PIWIL3: variants seen among roughly 807,000 people sequenced by gnomAD.
PIWIL3 encodes piwi-like protein 3.
A neutral mutation model predicts 109.7 loss-of-function variants in PIWIL3; 101 were observed. The ratio of observed to expected loss-of-function variants is 0.92; its 90% confidence interval spans 0.78 to 1.09. The LOEUF is 1.09. PIWIL3 is among the 50% of genes least tolerant of loss of function. PIWIL3 has a pLI of 0.00. For synonymous variants in PIWIL3, 373 were observed against 376.4 expected (o/e 0.99, Z 0.10); for missense variants, 1,031 against 1,072.6 (o/e 0.96, Z 0.54).
chr22:24,731,374 C>T (rs369117339), intron 14 of PIWIL3, among the ~76,000 whole-genome samples: 40 of 152,290 alleles, frequency 2.6e-4, no homozygotes, highest in African/African-American at 8.7e-4. Flanking sequence ...CACTTATGGC[C>T]GGGCATGGTG....
At position 24,738,604 on chromosome 22, in the gene PIWIL3, G is replaced by A. The variant is rs115925601; in HGVS notation, c.1450-2712C>T. On this transcript the variant is annotated intron_variant, in intron 12 of 20. Coordinates refer to ENST00000616349, the MANE Select transcript of PIWIL3 (RefSeq NM_001255975.1). ...CTGCCTGGTAATCCAGAAGTCTTCT[G>A]GATCATATCAAGATCATCAAGGTGA... Among the ~76,000 whole-genome samples the A allele has an allele frequency of 4.3e-3, 648 of 152,304 alleles. 4 individuals carry two copies. Among genetic ancestry groups the A allele is most frequent in the African/African-American group, 0.015 (619 of 41,562 alleles).
At chr22:24,768,030 C>G (rs758131842) in intron 1 of PIWIL3, among the ~76,000 whole-genome samples, 2 of 152,102 alleles carry the variant, frequency 1.3e-5, no homozygotes, top group Non-Finnish European at 2.9e-5. Flanking sequence ...AAAAAGAGTG[C>G]TCACATTCAC....
At position 24,748,999 on chromosome 22, in the gene PIWIL3, G is replaced by A; in HGVS notation, c.1357C>T (p.Leu453Phe). 2 of 1,612,202 alleles carry A rather than the reference G, an allele frequency of 1.2e-6. No individual in the cohort carries two copies. Among genetic ancestry groups the A allele is most frequent in the Non-Finnish European group, 1.7e-6 (2 of 1,178,864 alleles). Residue 453 changes from leucine to phenylalanine, a missense_variant, in exon 12 of 21, where the codon CTT becomes TTT. Transcript: ENST00000616349. ...TCAAATTTCAAATCCCAGAGTTGAA[G>A]TAACTCTCGTACTTTTTTATTACTG... ...LQDNKKVREL[L>F]QLWDLKFDTN...
Position 24,759,886 on chromosome 22 carries a change from CCTCCTG to C in PIWIL3, c.200_205del (p.Ala67_Gly68del). Reference sequence around the variant, plus strand: ...CCTTTCACCTTGAGACTGTGCTCCTCCTCCTGCTCCTCCTCTTGCTGCTCTTGGCTG... The same window carrying C: ...CCTTTCACCTTGAGACTGTGCTCCTCCTCCTCCTCTTGCTGCTCTTGGCTG... On this transcript the variant is annotated inframe_deletion, in exon 3 of 21. Transcript: ENST00000616349. 1 of 1,613,966 alleles carries C rather than the reference CCTCCTG, an allele frequency of 6.2e-7. No individual in the cohort carries two copies. The highest frequency in any genetic ancestry group is 8.5e-7 in the Non-Finnish European group (1 of 1,179,886).
intron 12 of PIWIL3, among the ~76,000 whole-genome samples, chr22:24,740,178 A>G (rs1923908412): frequency 6.9e-6 from 1 of 144,170 alleles, no homozygotes; most frequent in Non-Finnish European, 1.5e-5. Flanking sequence ...AGATCGTGCC[A>G]CCACTGCACT....
intron 1 of PIWIL3, among the ~76,000 whole-genome samples, chr22:24,770,234 C>T (rs1033714643): frequency 6.6e-6 from 1 of 152,206 alleles, no homozygotes; most frequent in Non-Finnish European, 1.5e-5. Context: ...AGACTCAAAC[C>T]CGTCAGTTTT....
chr22:24,763,108 C>G (rs775869388), intron 1 of PIWIL3, among the ~76,000 whole-genome samples: 1 of 151,886 alleles, frequency 6.6e-6, no homozygotes, highest in African/African-American at 2.4e-5. Flanking sequence ...AGAGAAGCAT[C>G]CTATAATAAA....
intron 12 of PIWIL3, among the ~76,000 whole-genome samples, chr22:24,741,298 A>G (rs1450689698): frequency 1.3e-5 from 2 of 152,200 alleles, no homozygotes; most frequent in East Asian, 3.9e-4. Flanking sequence ...GCCAATCACG[A>G]AGTCAGGAGA....
At chr22:24,748,282 G>GT (rs148909030) in intron 12 of PIWIL3, among the ~76,000 whole-genome samples, 4,419 of 152,292 alleles carry the variant, frequency 0.029, 71 homozygotes, top group Middle Eastern at 0.065. Context: ...TCTGGGAAGG[G>GT]TAGTGGGAGG....
intron 16 of PIWIL3, among the ~76,000 whole-genome samples, chr22:24,726,475 C>T (rs1243304848): frequency 2.6e-5 from 4 of 151,996 alleles, no homozygotes; most frequent in African/African-American, 9.7e-5. Flanking sequence ...TTAGTAGAGA[C>T]GGGGTTTCAC....
rs1397810641 is a variant in PIWIL3 at position 24,762,423 on chromosome 22, C to T, written c.77G>A (p.Gly26Glu). The part of the protein sequence containing the change: ...RESYQQEAPG[G>E]PRAPGSATTQ... ...TGTAGCTGATCCAGGTGCTCTGGGTCCCCCAGGTGCCTCTTGTTGGTAGCT... is the reference window on the plus strand; with the variant it reads ...TGTAGCTGATCCAGGTGCTCTGGGTTCCCCAGGTGCCTCTTGTTGGTAGCT... Residue 26 changes from glycine to glutamate, a missense_variant, in exon 2 of 21, where the codon GGA (glycine) becomes GAA (glutamate). Coordinates refer to ENST00000616349, the MANE Select transcript of PIWIL3 (RefSeq NM_001255975.1). The T allele has an allele frequency of 1.2e-6, 2 of 1,613,666 alleles. No individual in the cohort carries two copies. The highest frequency in any genetic ancestry group is 1.3e-5 in the African/African-American group (1 of 74,920).
rs1922521655 is a variant in PIWIL3, at chr22:24,719,302, T to C, written c.*170A>G. 2.4e-6 allele frequency: 1 copy of C among 413,660 alleles called. No homozygotes were observed. Among genetic ancestry groups the C allele is most frequent in the South Asian group, 6.0e-5 (1 of 16,540 alleles). 25.6% of individuals were successfully genotyped at this position (413,660 alleles called of 1,614,324 possible). Reference sequence around the variant, plus strand: ...TCTCCTCTCTGGAAAAATCAGTCTGTGGTAGTATTGAGAGTAGAACATATC... The same window carrying C: ...TCTCCTCTCTGGAAAAATCAGTCTGCGGTAGTATTGAGAGTAGAACATATC... On this transcript the variant is annotated 3_prime_UTR_variant, in exon 21 of 21. Coordinates refer to ENST00000616349, the MANE Select transcript of PIWIL3 (RefSeq NM_001255975.1).
intron 7 of PIWIL3, 100 bp downstream of exon 7, chr22:24,754,684 C>T: frequency 1.1e-6 from 1 of 913,896 alleles, no homozygotes. Context: ...AAAAGGCCAT[C>T]ACTTTTAAGG....
chr22:24,758,149 G>T, intron 3 of PIWIL3, 110 bp from the exon 4 acceptor site: 1 of 1,269,092 alleles, frequency 7.9e-7, no homozygotes, highest in Non-Finnish European at 1.1e-6. Context: ...GCCACCCAAG[G>T]TTCCAAAACA....
intron 12 of PIWIL3, among the ~76,000 whole-genome samples, chr22:24,744,284 C>T (rs1257704245): frequency 7.2e-6 from 1 of 138,562 alleles, no homozygotes; most frequent in African/African-American, 2.7e-5. Context: ...TGAAAAAACA[C>T]AAAAAAGGCC....
intron 1 of PIWIL3, 43 bp from the exon 2 acceptor site, chr22:24,762,564 G>A (rs374945841): frequency 4.7e-6 from 7 of 1,477,522 alleles, no homozygotes; most frequent in Non-Finnish European, 5.5e-6. Context: ...GGAGTTGCCT[G>A]GTGTCTTACT....
intron 1 of PIWIL3, 108 bp from the exon 2 acceptor site, chr22:24,762,629 A>C (rs1318453550): frequency 4.1e-6 from 4 of 969,480 alleles, no homozygotes; most frequent in Non-Finnish European, 5.8e-6. Context: ...ATAAAGGAAG[A>C]GGTGTGTTTG....
At chr22:24,755,004 TG>T in intron 6 of PIWIL3, 140 bp from the exon 7 acceptor site, 3 of 658,738 alleles carry the variant, frequency 4.6e-6, no homozygotes. Context: ...CTAAGTTACA[TG>T]ATGAGGTGGA....
chr22:24,773,719 T>C (rs1926259767), intron 1 of PIWIL3, among the ~76,000 whole-genome samples: 1 of 95,080 alleles, frequency 1.1e-5, no homozygotes, highest in Non-Finnish European at 2.3e-5. Flanking sequence ...TTTTTTTTTT[T>C]TTTTTTTTGA....
Sources: allele counts gnomAD v4.1 joint callset (sites outside exome capture counted in the v4.1 genomes callset), GRCh38; gene constraint gnomAD v4.1.1; transcripts MANE v1.5; gene names NCBI Gene and HGNC (gene_info 2026-07-23, HGNC 2026-07-21).